The following CYRIA variants were observed in gnomAD, a reference collection of about 807,000 sequenced individuals.
CYRIA encodes the protein CYFIP-related Rac1 interactor A.
Under a neutral mutation model 43.9 loss-of-function variants are expected in CYRIA, and 15 were observed. The ratio of observed to expected loss-of-function variants is 0.34; its 90% CI spans 0.23 to 0.53. CYRIA has a LOEUF of 0.53. CYRIA is among the 20% of genes least tolerant of loss of function. The pLI, the probability that CYRIA is intolerant of heterozygous loss-of-function variation, is 0.94. For synonymous variants in CYRIA, 117 were observed against 136.0 expected, an observed-to-expected ratio of 0.86 and a Z score of 0.97; for missense variants, 236 against 394.2, an observed-to-expected ratio of 0.60 and a Z score of 3.40.
intron 1 of CYRIA, among the ~76,000 whole-genome samples, chr2:16,657,698 A>C (rs1024922): frequency 0.21 from 32,203 of 151,948 alleles, 4,730 homozygotes; most frequent in African/African-American, 0.42. Flanking sequence ...GATCCACAAA[A>C]CCTTCTTTGA....
chr2:16,646,913 T>C (rs1669837206), intron 1 of CYRIA, among the ~76,000 whole-genome samples: 1 of 152,190 alleles, frequency 6.6e-6, no homozygotes, highest in South Asian at 2.1e-4. Flanking sequence ...ACCAGACTTA[T>C]ACCATCAGCT....
Position 16,657,053 on chromosome 2 carries a change from C to G in CYRIA, c.-167+8727G>C, listed in dbSNP as rs562345873. 2.0e-5 allele frequency among the ~76,000 whole-genome samples: 3 copies of G among 152,350 alleles called. No individual in the cohort carries two copies. In the South Asian group the frequency reaches 6.2e-4, roughly 32 times the overall value. On this transcript the variant is annotated intron_variant, in intron 1 of 11. Transcript: ENST00000381323. ...GTACAGCCAGACAGACAGCTCAGTG[C>G]TTCCCACTCTCCTCCTCTTTTGACG...
At chr2:16,574,785 G>T (rs1358353785) in intron 3 of CYRIA, among the ~76,000 whole-genome samples, 1 of 152,224 alleles carries the variant, frequency 6.6e-6, no homozygotes, top group Non-Finnish European at 1.5e-5. Context: ...ATGCCTGGAT[G>T]TCCAGGCAGA....
rs760305450 is a variant in CYRIA at position 16,565,685 on chromosome 2, G to A, written c.153C>T (p.Asp51=). 1 of 1,592,720 alleles carries A rather than the reference G, an allele frequency of 6.3e-7. No homozygotes were observed. Among genetic ancestry groups the A allele is most frequent in the Non-Finnish European group, 8.6e-7 (1 of 1,163,466 alleles). The change falls in exon 4 of 12, where the codon GAC becomes GAT. Residue 51 remains aspartate (D), a synonymous_variant. Transcript: ENST00000381323. ...GGCCTGCGCCTTTGTAAGCCTGCAG[G>A]TCTGCAAGGATGCTCTCAGAATCCT... is the stretch of plus-strand genomic sequence containing the variant. ...VLQDSESILA[D]LQAYKGAGPE...
At chr2:16,574,124 G>A (rs991010210) in intron 3 of CYRIA, among the ~76,000 whole-genome samples, 8 of 152,118 alleles carry the variant, frequency 5.3e-5, no homozygotes, top group African/African-American at 1.9e-4. Flanking sequence ...AGGTGGAGAT[G>A]AAAAACTTGT....
chr2:16,564,613 G>C (rs1044300937), intron 4 of CYRIA, among the ~76,000 whole-genome samples: 1 of 152,078 alleles, frequency 6.6e-6, no homozygotes, highest in African/African-American at 2.4e-5. Flanking sequence ...GATTATGACG[G>C]TGGTGGTGTT....
intron 1 of CYRIA, among the ~76,000 whole-genome samples, chr2:16,649,210 T>C (rs1669900221): frequency 1.3e-5 from 2 of 152,218 alleles, no homozygotes; most frequent in African/African-American, 4.8e-5. Context: ...AGGAGATACA[T>C]AGGTTATATG....
At chr2:16,554,940 T>C (rs1666453177) in intron 11 of CYRIA, 129 bp downstream of exon 11, 2 of 585,622 alleles carry the variant, frequency 3.4e-6, no homozygotes. Flanking sequence ...CTCAAAAGAT[T>C]GTTAGGAAGA....
intron 3 of CYRIA, among the ~76,000 whole-genome samples, chr2:16,575,352 T>C (rs532831530): frequency 2.6e-5 from 4 of 152,244 alleles, no homozygotes; most frequent in Admixed American, 1.3e-4. Flanking sequence ...TGGTAAGGCA[T>C]GACTGATTTT....
At position 16,585,382 on chromosome 2, in the gene CYRIA, T is replaced by G. The variant is rs191430539; in HGVS notation, c.70+2668A>C. ...GGGGAGGAGGAGAGCCACAGAGATC[T>G]TTGTTCCCATCTTGATTTCCTAGTC... On this transcript the variant is annotated intron_variant, in intron 3 of 11. Coordinates refer to ENST00000381323, the MANE Select transcript of CYRIA (RefSeq NM_030797.4). Among the ~76,000 whole-genome samples the G allele has an allele frequency of 1.8e-3, 271 of 152,226 alleles. 1 individual carries two copies. The highest frequency in any genetic ancestry group is 6.2e-3 in the African/African-American group (257 of 41,548).
intron 2 of CYRIA, among the ~76,000 whole-genome samples, chr2:16,619,973 C>T (rs1668944102): frequency 1.3e-5 from 2 of 152,208 alleles, no homozygotes; most frequent in Admixed American, 1.3e-4. Flanking sequence ...CACATTTCAT[C>T]CTCTGCATCC....
chr2:16,618,397 A>T (rs1200111059), intron 2 of CYRIA, among the ~76,000 whole-genome samples: 1 of 152,140 alleles, frequency 6.6e-6, no homozygotes, highest in Non-Finnish European at 1.5e-5. Context: ...CAGAGAAAGC[A>T]CTTGTTGAGG....
intron 3 of CYRIA, among the ~76,000 whole-genome samples, chr2:16,575,669 C>T (rs1409468875): frequency 6.6e-6 from 1 of 151,918 alleles, no homozygotes; most frequent in Non-Finnish European, 1.5e-5. Flanking sequence ...TCCTGGCTAA[C>T]ACGGTGAAAC....
At chr2:16,558,862 G>A (rs1462832111) in intron 10 of CYRIA, among the ~76,000 whole-genome samples, 1 of 152,096 alleles carries the variant, frequency 6.6e-6, no homozygotes, top group African/African-American at 2.4e-5. Context: ...AGAGAAGCAA[G>A]AAGGCTTGTC....
intron 1 of CYRIA, among the ~76,000 whole-genome samples, chr2:16,630,914 C>T (rs1669312894): frequency 6.6e-6 from 1 of 152,234 alleles, no homozygotes; most frequent in Admixed American, 6.5e-5. Context: ...CCTGCCTTGT[C>T]TCCATCAGGA....
intron 10 of CYRIA, among the ~76,000 whole-genome samples, chr2:16,555,937 C>A (rs1666493705): frequency 6.6e-6 from 1 of 152,060 alleles, no homozygotes; most frequent in African/African-American, 2.4e-5. Flanking sequence ...CAAACCTAGG[C>A]AAGTGTCTTA....
chr2:16,610,207 C>T (rs184484042), intron 2 of CYRIA, among the ~76,000 whole-genome samples: 6 of 152,310 alleles, frequency 3.9e-5, no homozygotes, highest in African/African-American at 1.4e-4. Context: ...ACTACCATCT[C>T]CCTTTTAGAA....
intron 3 of CYRIA, among the ~76,000 whole-genome samples, chr2:16,570,227 T>G (rs1667079079): frequency 6.6e-6 from 1 of 152,132 alleles, no homozygotes; most frequent in Non-Finnish European, 1.5e-5. Context: ...GGTATCATCA[T>G]AGCTCACTGC....
chr2:16,565,715 G>A lies in CYRIA; in HGVS notation c.123C>T (p.Val41=). ...EREIWNQISA[V]LQDSESILAD... Reference sequence around the variant, plus strand: ...CAAGGATGCTCTCAGAATCCTGAAGGACGGCGCTGATCTGGTTCCAGATTT... The same window carrying A: ...CAAGGATGCTCTCAGAATCCTGAAGAACGGCGCTGATCTGGTTCCAGATTT... Residue 41 remains valine (V), a synonymous_variant, in exon 4 of 12, where the codon GTC becomes GTT. Coordinates refer to ENST00000381323, the MANE Select transcript of CYRIA (RefSeq NM_030797.4). 6.3e-7 allele frequency: 1 copy of A among 1,593,700 alleles called. No homozygotes were observed. The highest frequency in any genetic ancestry group is 8.6e-7 in the Non-Finnish European group (1 of 1,164,564).
Sources: gnomAD v4.1 joint callset for allele counts (sites outside exome capture counted in the v4.1 genomes callset) on GRCh38, gnomAD v4.1.1 for gene constraint, MANE v1.5 for transcripts, NCBI Gene and HGNC (gene_info 2026-07-23, HGNC 2026-07-21) for gene names.